Variants in CNTNAP2 observed in about 807,000 individuals in gnomAD.
CNTNAP2 encodes contactin-associated protein-like 2.
In CNTNAP2, 98 loss-of-function variants were observed where a neutral mutation model predicts 155.2. That is an observed-to-expected ratio of 0.63 (90% CI 0.54 to 0.75). The LOEUF (loss-of-function observed/expected upper bound fraction) is 0.75. CNTNAP2 is among the 30% of genes least tolerant of loss of function. The probability of loss-of-function intolerance (pLI) is 0.00; values close to 1 mark genes in which losing one functional copy is unlikely to be tolerated. For missense variants in CNTNAP2, 1,727 were observed against 1,688.1 expected (o/e 1.02, Z -0.40); for synonymous variants, 651 against 631.2 (o/e 1.03, Z -0.47).
chr7:146,258,957 C>T (rs1799879980), intron 1 of CNTNAP2, among the ~76,000 whole-genome samples: 1 of 152,080 alleles, frequency 6.6e-6, no homozygotes, highest in African/African-American at 2.4e-5. Context: ...AAGTTGTAAT[C>T]GCGAAGTGTT....
intron 3 of CNTNAP2, among the ~76,000 whole-genome samples, chr7:147,023,438 C>T (rs775728600): frequency 1.1e-4 from 16 of 152,102 alleles, no homozygotes; most frequent in Non-Finnish European, 1.6e-4. Flanking sequence ...GCCGTGTATC[C>T]TTTTTATCCA....
At chr7:147,651,532 C>A (rs1442372377) in intron 13 of CNTNAP2, among the ~76,000 whole-genome samples, 1 of 152,124 alleles carries the variant, frequency 6.6e-6, no homozygotes, top group Non-Finnish European at 1.5e-5. Context: ...ATGATTTATT[C>A]CCTCATTTGT....
At chr7:146,492,517 A>G (rs1797156157) in intron 1 of CNTNAP2, among the ~76,000 whole-genome samples, 1 of 152,150 alleles carries the variant, frequency 6.6e-6, no homozygotes, top group African/African-American at 2.4e-5. Context: ...ATCTTTTCAT[A>G]TCTTCTTAAG....
chr7:146,385,928 C>T (rs59492251), intron 1 of CNTNAP2, among the ~76,000 whole-genome samples: 36,478 of 152,036 alleles, frequency 0.24, 4,979 homozygotes, highest in Admixed American at 0.4. Flanking sequence ...CAATGTGTTT[C>T]CATTATTGAA....
chr7:147,254,845 C>T (rs915415253), intron 8 of CNTNAP2, among the ~76,000 whole-genome samples: 16 of 152,108 alleles, frequency 1.1e-4, no homozygotes, highest in African/African-American at 3.6e-4. Context: ...TCTTCTATTT[C>T]GTGTTTCAGC....
At chr7:148,024,171 A>AAC (rs1371457632) in intron 15 of CNTNAP2, among the ~76,000 whole-genome samples, 1 of 151,304 alleles carries the variant, frequency 6.6e-6, no homozygotes, top group Non-Finnish European at 1.5e-5. Context: ...AAAAAAAAAA[A>AAC]AAAAAAAACT....
intron 8 of CNTNAP2, among the ~76,000 whole-genome samples, chr7:147,154,736 A>G (rs1044168378): frequency 6.6e-6 from 1 of 152,134 alleles, no homozygotes; most frequent in Non-Finnish European, 1.5e-5. Context: ...GAAATCAGCA[A>G]CTTCTAAAAC....
At chr7:146,349,421 A>G (rs1304118730) in intron 1 of CNTNAP2, among the ~76,000 whole-genome samples, 1 of 152,254 alleles carries the variant, frequency 6.6e-6, no homozygotes, top group Non-Finnish European at 1.5e-5. Context: ...TAATGAAAAC[A>G]AAAACGAAGA....
At chr7:146,999,881 G>A (rs571043849) in intron 3 of CNTNAP2, among the ~76,000 whole-genome samples, 16 of 151,936 alleles carry the variant, frequency 1.1e-4, no homozygotes, top group Admixed American at 3.3e-4. Flanking sequence ...TCAGAATGAA[G>A]ACTTTTTACC....
intron 1 of CNTNAP2, among the ~76,000 whole-genome samples, chr7:146,385,881 G>A (rs1397331555): frequency 6.6e-6 from 1 of 152,212 alleles, no homozygotes; most frequent in Admixed American, 6.5e-5. Flanking sequence ...TTAAAGGATA[G>A]ATAAAGTAAA....
At chr7:147,425,573 C>T (rs531798237) in intron 10 of CNTNAP2, among the ~76,000 whole-genome samples, 1 of 152,120 alleles carries the variant, frequency 6.6e-6, no homozygotes, top group Non-Finnish European at 1.5e-5. Context: ...TCTATTTGCT[C>T]TCCACCCCAT....
At chr7:146,505,395 C>G (rs915214690) in intron 1 of CNTNAP2, among the ~76,000 whole-genome samples, 4 of 152,212 alleles carry the variant, frequency 2.6e-5, no homozygotes, top group Non-Finnish European at 4.4e-5. Flanking sequence ...GCTTTCATCT[C>G]TAGATAACAA....
intron 1 of CNTNAP2, among the ~76,000 whole-genome samples, chr7:146,558,095 C>A (rs893273634): frequency 6.6e-6 from 1 of 152,166 alleles, no homozygotes; most frequent in African/African-American, 2.4e-5. Context: ...TTTCTGTTAG[C>A]AGGACCTGGT....
intron 15 of CNTNAP2, among the ~76,000 whole-genome samples, chr7:148,036,395 G>A (rs1318166388): frequency 1.3e-5 from 2 of 152,190 alleles, no homozygotes; most frequent in East Asian, 3.9e-4. Context: ...TGGTGGCACT[G>A]CCCTCATGAA....
intron 3 of CNTNAP2, among the ~76,000 whole-genome samples, chr7:147,009,751 C>G (rs567443118): frequency 2.0e-5 from 3 of 152,082 alleles, no homozygotes; most frequent in Non-Finnish European, 4.4e-5. Flanking sequence ...ATTCTATAGA[C>G]TTCCTTCTAC....
intron 1 of CNTNAP2, among the ~76,000 whole-genome samples, chr7:146,442,205 T>C (rs1027296605): frequency 6.6e-6 from 1 of 151,728 alleles, no homozygotes; most frequent in Non-Finnish European, 1.5e-5. Context: ...TATTTTTCTT[T>C]TACACTTTAG....
At chr7:147,071,232 G>A (rs777580143) in intron 4 of CNTNAP2, among the ~76,000 whole-genome samples, 1 of 150,312 alleles carries the variant, frequency 6.7e-6, no homozygotes, top group Non-Finnish European at 1.5e-5. Context: ...TTCAAGCAAT[G>A]TTTTAAAATA....
chr7:147,776,025 A>T (rs1358584563), intron 13 of CNTNAP2, among the ~76,000 whole-genome samples: 1 of 152,156 alleles, frequency 6.6e-6, no homozygotes, highest in Admixed American at 6.5e-5. Context: ...TCAATATAAG[A>T]CCAATTAGAG....
intron 21 of CNTNAP2, among the ~76,000 whole-genome samples, chr7:148,371,820 G>T (rs530321904): frequency 6.6e-6 from 1 of 152,158 alleles, no homozygotes; most frequent in African/African-American, 2.4e-5. Flanking sequence ...TGTGCAGCAC[G>T]CCACTGCACT....
Sources: allele counts gnomAD v4.1 joint callset (sites outside exome capture counted in the v4.1 genomes callset), GRCh38; gene constraint gnomAD v4.1.1; transcripts MANE v1.5; gene names NCBI Gene and HGNC (gene_info 2026-07-23, HGNC 2026-07-21).